ZNF469: variants seen among roughly 807,000 people sequenced by gnomAD.
The protein encoded by ZNF469 is zinc finger protein 469.
ZNF469 carries 1 observed loss-of-function variant against 1.0 expected under a neutral mutation model. The ratio of observed to expected loss-of-function variants is 1.00; its 90% CI spans 0.35 to 4.73. The LOEUF is 4.73. Among genes scored for constraint, ZNF469 ranks in the 30% most tolerant of loss-of-function variants. The pLI is 0.16. For missense variants in ZNF469, 6,100 were observed against 5,356.3 expected (o/e 1.14, Z -4.33); for synonymous variants, 2,703 against 2,363.4 (o/e 1.14, Z -4.17).
rs1906869496 is a variant in ZNF469, at chr16:88,439,736, C to A, written c.*404C>A. ...GGAGAAGGGAAGTAAGTTGAGGCAG[C>A]CGTGGGATGGTGGTAGGTTCCCTCT... On this transcript the variant is annotated 3_prime_UTR_variant, in exon 3 of 3. Transcript: ENST00000565624. 7.1e-6 allele frequency: 2 copies of A among 281,288 alleles called. No individual in the cohort carries two copies. The highest frequency in any genetic ancestry group is 4.9e-5 in the Admixed American group (1 of 20,324). The allele number at this position is 281,288 out of a possible 1,614,324, so 17.4% of individuals were successfully genotyped here. A position where few individuals can be genotyped will look rare whatever the true frequency, so the allele number is the denominator to read the frequency against.
Position 88,437,967 on chromosome 16 carries a change from C to G in ZNF469, c.10497C>G (p.Ile3499Met). Residue 3499 changes from isoleucine (I) to methionine (M), a missense_variant, in exon 3 of 3, where the codon ATC (isoleucine) becomes ATG (methionine). Ile to Met is a conservative substitution (Grantham distance 10, BLOSUM62 1). Transcript: ENST00000565624. ...DRPPPRGSSP[I>M]LSEGSLPALL... ...CTCCTCCCCGGGGAAGCAGCCCCAT[C>G]CTGAGTGAGGGCTCTCTCCCGGCCC... 1 of 1,547,054 alleles carries G rather than the reference C, an allele frequency of 6.5e-7. No individual in the cohort carries two copies. Among genetic ancestry groups the G allele is most frequent in the Non-Finnish European group, 8.7e-7 (1 of 1,146,544 alleles).
In ZNF469 at chr16:88,437,670, G is replaced by T; in HGVS notation, c.10200G>T (p.Pro3400=). ...AGCGGCCGGAGCTGCAGCACACGCCGCTGTATGCCTGCGAGCTCTGCGCCA... is the reference window on the plus strand; with the variant it reads ...AGCGGCCGGAGCTGCAGCACACGCCTCTGTATGCCTGCGAGCTCTGCGCCA... ...LLERPELQHT[P]LYACELCATV... is the part of the protein sequence containing the mutation. Residue 3400 remains proline, a synonymous_variant, in exon 3 of 3, where the codon CCG becomes CCT. Transcript: ENST00000565624. 1 of 1,548,966 alleles carries T rather than the reference G, an allele frequency of 6.5e-7. No individual in the cohort carries two copies. Among genetic ancestry groups the T allele is most frequent in the Non-Finnish European group, 8.7e-7 (1 of 1,146,046 alleles).
the ZNF469 span, among the ~76,000 whole-genome samples, chr16:88,276,208 A>G: frequency 2.6e-5 from 4 of 152,162 alleles, no homozygotes; most frequent in Non-Finnish European, 4.4e-5. Flanking sequence ...AGAAAGCTGG[A>G]TGGGCAGGTC....
At chr16:88,293,105 G>A in the ZNF469 span, among the ~76,000 whole-genome samples, 2 of 152,148 alleles carry the variant, frequency 1.3e-5, no homozygotes, top group African/African-American at 4.8e-5. Flanking sequence ...TGGATGGATG[G>A]GTGGATGGGT....
chr16:88,365,946 A>T, the ZNF469 span, among the ~76,000 whole-genome samples: 7 of 152,338 alleles, frequency 4.6e-5, no homozygotes, highest in East Asian at 9.6e-4. Flanking sequence ...ACACATGGTG[A>T]CAGTGCCCCC....
At chr16:88,118,301 G>A in the ZNF469 span, among the ~76,000 whole-genome samples, 4 of 152,210 alleles carry the variant, frequency 2.6e-5, no homozygotes, top group Non-Finnish European at 5.9e-5. Context: ...TTTCTTCTAA[G>A]TTCTTTTTAG....
chr16:88,356,481 T>C, the ZNF469 span, among the ~76,000 whole-genome samples: 1 of 151,238 alleles, frequency 6.6e-6, no homozygotes, highest in African/African-American at 2.4e-5. Flanking sequence ...TGTGTGTGTG[T>C]ACACATGCCT....
the ZNF469 span, among the ~76,000 whole-genome samples, chr16:88,266,743 G>C: frequency 2.0e-5 from 3 of 152,232 alleles, no homozygotes; most frequent in African/African-American, 7.2e-5. Flanking sequence ...GTTGGAGCAA[G>C]TGACCTCAGC....
the ZNF469 span, among the ~76,000 whole-genome samples, chr16:88,359,410 G>A: frequency 1.1e-4 from 16 of 152,018 alleles, no homozygotes; most frequent in South Asian, 4.2e-4. Context: ...CCGCGGGCTC[G>A]GTATCCTGCC....
chr16:88,225,774 C>T, the ZNF469 span, among the ~76,000 whole-genome samples: 24 of 152,336 alleles, frequency 1.6e-4, no homozygotes, highest in South Asian at 1.7e-3. Flanking sequence ...AGGAAGGGGC[C>T]TCCCCACACA....
At chr16:88,278,011 A>G in the ZNF469 span, among the ~76,000 whole-genome samples, 60 of 20,858 alleles carry the variant, frequency 2.9e-3, no homozygotes, top group African/African-American at 0.013. Context: ...ATCAGTGCAC[A>G]GTTAGTGCTG....
upstream of ZNF469, among the ~76,000 whole-genome samples, chr16:88,378,753 C>T (rs1427572304): frequency 1.3e-5 from 2 of 152,212 alleles, no homozygotes; most frequent in Non-Finnish European, 2.9e-5. Flanking sequence ...TCTTTGCATC[C>T]TCCAGCCTCA....
the ZNF469 span, among the ~76,000 whole-genome samples, chr16:88,275,773 G>T: frequency 1.3e-5 from 2 of 152,188 alleles, no homozygotes. Flanking sequence ...AGGAAGTGTG[G>T]GGCTGGCAGC....
At chr16:88,185,355 CACAA>C in the ZNF469 span, among the ~76,000 whole-genome samples, 18 of 151,640 alleles carry the variant, frequency 1.2e-4, no homozygotes, top group Non-Finnish European at 1.9e-4. Context: ...TGCATGCACA[CACAA>C]ACATACCTAT....
intron 1 of ZNF469, among the ~76,000 whole-genome samples, chr16:88,393,958 GGAGGGGGGTTTGACACGT>G: frequency 6.6e-6 from 1 of 152,384 alleles, no homozygotes; most frequent in South Asian, 2.1e-4. Context: ...CTGTCCGACA[GGAGGGGGGTTTGACACGT>G]CTACACCTGT....
rs1906266608 is a variant in ZNF469, at chr16:88,432,443, G to T, written c.4973G>T (p.Trp1658Leu). ...GTTCAGGGGAGGCCTGGGGGGACGT[G>T]GCCCTGCCCAGCCTCCTTCCATCCG... Reference protein sequence around the residue: ...EAVQGRPGGTWPCPASFHPGH... With the variant: ...EAVQGRPGGTLPCPASFHPGH... Residue 1658 changes from tryptophan to leucine, a missense_variant, in exon 3 of 3, where the codon TGG (tryptophan) becomes TTG (leucine). Physicochemically the swap from Trp to Leu is moderately conservative, Grantham distance 61 (BLOSUM62 -2). Coordinates refer to ENST00000565624, the MANE Select transcript of ZNF469 (RefSeq NM_001367624.2). The T allele has an allele frequency of 6.5e-7, 1 of 1,550,146 alleles. No individual in the cohort carries two copies. The highest frequency in any genetic ancestry group is 1.4e-5 in the African/African-American group (1 of 73,056).
In ZNF469 at chr16:88,439,823, T is replaced by C. The variant is rs557906701; in HGVS notation, c.*491T>C. The C allele has an allele frequency of 2.7e-4, 63 of 231,790 alleles. 1 individual carries two copies. In the South Asian group the frequency reaches 3.7e-3, roughly 14 times the overall value. The allele number at this position is 231,790 out of a possible 1,614,324, so 14.4% of individuals were successfully genotyped here. On this transcript the variant is annotated 3_prime_UTR_variant, in exon 3 of 3. Transcript: ENST00000565624. ...TTAGAAACCACGTGGGGGAAGGCAG[T>C]GCTCACTACTTAGAAGGGTTGCTTC...
chr16:88,416,555 C>T (rs1371943993), intron 1 of ZNF469, among the ~76,000 whole-genome samples: 1 of 152,218 alleles, frequency 6.6e-6, no homozygotes, highest in East Asian at 1.9e-4. Context: ...CCCAGAGAGT[C>T]TGGGTAGGCC....
At chr16:88,241,597 C>T in the ZNF469 span, among the ~76,000 whole-genome samples, 1 of 152,156 alleles carries the variant, frequency 6.6e-6, no homozygotes, top group East Asian at 1.9e-4. This position sits in a 1 kb window ranked among gnomAD's most constrained non-coding sequence, Gnocchi z 4.8. Flanking sequence ...AGGGTCCTGG[C>T]AGGCGCTTGC....
Sources: allele counts gnomAD v4.1 joint callset (sites outside exome capture counted in the v4.1 genomes callset), GRCh38; gene constraint gnomAD v4.1.1; non-coding constraint Gnocchi (gnomAD v3.1); transcripts MANE v1.5; gene names NCBI Gene and HGNC (gene_info 2026-07-23, HGNC 2026-07-21).